ARFGEF3: variants seen among roughly 807,000 people sequenced by gnomAD.
The protein encoded by ARFGEF3 is brefeldin A-inhibited guanine nucleotide-exchange protein 3.
A neutral mutation model predicts 221.7 loss-of-function variants in ARFGEF3; 96 were observed. The observed-to-expected ratio is 0.43, with a 90% CI of 0.37 to 0.51. ARFGEF3 has a LOEUF of 0.51. ARFGEF3 is among the 20% of genes least tolerant of loss of function. The probability of loss-of-function intolerance (pLI) is 0.00; values close to 1 mark genes in which losing one functional copy is unlikely to be tolerated. For synonymous variants in ARFGEF3, 1,145 were observed against 1,126.8 expected (o/e 1.02, Z -0.32); for missense variants, 2,410 against 2,789.9 (o/e 0.86, Z 3.07).
rs770014546 is a variant in ARFGEF3, at chr6:138,316,674, A to G, written c.4346-577A>G. 6.3e-4 allele frequency among the ~76,000 whole-genome samples: 96 copies of G among 152,192 alleles called. 1 individual carries two copies. The highest frequency in any genetic ancestry group is 2.2e-3 in the African/African-American group (92 of 41,440). On this transcript the variant is annotated intron_variant, in intron 26 of 33. Coordinates refer to ENST00000251691, the MANE Select transcript of ARFGEF3 (RefSeq NM_020340.5). ...AAACATGACACCACTATCACACCCA[A>G]AATCAATCATAATTTATAGTACATT... is the stretch of plus-strand genomic sequence containing the variant.
chr6:138,267,252 C>T (rs1307345280), intron 12 of ARFGEF3, among the ~76,000 whole-genome samples: 2 of 152,010 alleles, frequency 1.3e-5, no homozygotes, highest in African/African-American at 4.8e-5. Context: ...GGCAAAACCC[C>T]GCCTCTACTA....
chr6:138,315,765 G>A (rs1779913653), intron 26 of ARFGEF3, among the ~76,000 whole-genome samples: 1 of 151,774 alleles, frequency 6.6e-6, no homozygotes, highest in Admixed American at 6.6e-5. Context: ...GCAGAGAATC[G>A]CTTGAACCCG....
chr6:138,162,260 G>C lies in ARFGEF3; in HGVS notation c.85+89G>C, dbSNP rs1776630700. 10 of 896,300 alleles carry C rather than the reference G, an allele frequency of 1.1e-5. No individual in the cohort carries two copies. In the East Asian group the frequency reaches 3.1e-4, roughly 28 times the overall value. 55.5% of individuals were successfully genotyped at this position (896,300 alleles called of 1,614,324 possible). A position where few individuals can be genotyped will look rare whatever the true frequency, so the allele number is the denominator to read the frequency against. ...TCCGCGCGTGGGGCTTTCGCGGAGCGTCGGTCATGGGTGCCGTTCTGGCGA... is the reference window on the plus strand; with the variant it reads ...TCCGCGCGTGGGGCTTTCGCGGAGCCTCGGTCATGGGTGCCGTTCTGGCGA... On this transcript the variant is annotated intron_variant, in intron 1 of 33. Coordinates refer to ENST00000251691, the MANE Select transcript of ARFGEF3 (RefSeq NM_020340.5). This position sits in a 1 kb window ranked among gnomAD's most constrained non-coding sequence, Gnocchi z 4.7.
At chr6:138,240,270 T>C (rs1402199986) in intron 6 of ARFGEF3, among the ~76,000 whole-genome samples, 1 of 152,192 alleles carries the variant, frequency 6.6e-6, no homozygotes. Context: ...AGAAATCTTA[T>C]AATATACACT....
intron 9 of ARFGEF3, 60 bp downstream of exon 9, chr6:138,254,044 T>G: frequency 8.8e-7 from 1 of 1,140,664 alleles, no homozygotes; most frequent in Non-Finnish European, 1.2e-6. Context: ...CTGCTGACTG[T>G]GTCTCTGGGT....
intron 10 of ARFGEF3, among the ~76,000 whole-genome samples, chr6:138,260,786 A>G (rs1372090381): frequency 5.9e-5 from 9 of 152,172 alleles, no homozygotes; most frequent in Non-Finnish European, 1.3e-4. Context: ...AAATTTCAAA[A>G]CAGGTACAAA....
Position 138,218,421 on chromosome 6 carries a change from G to A in ARFGEF3, c.351+8380G>A, listed in dbSNP as rs573153047. The A allele has an allele frequency of 5.4e-4, 810 of 1,507,496 alleles. 8 individuals carry two copies. The South Asian group carries it at 9.8e-3, about 18-fold the overall frequency. The allele number at this position is 1,507,496 out of a possible 1,614,324, so 93.4% of individuals were successfully genotyped here. On this transcript the variant is annotated intron_variant, in intron 4 of 33. Coordinates refer to ENST00000251691, the MANE Select transcript of ARFGEF3 (RefSeq NM_020340.5). ...ATTTACTACTGTAAATTGAATTGTA[G>A]CTCTGTAGCATAGAAGAATAATTTT...
At chr6:138,184,367 TACAACAAATGAATTAACATTC>T (rs1777141010) in intron 2 of ARFGEF3, among the ~76,000 whole-genome samples, 1 of 152,182 alleles carries the variant, frequency 6.6e-6, no homozygotes, top group African/African-American at 2.4e-5. Flanking sequence ...TTGCAGAATG[TACAACAAATGAATTAACATTC>T]ACAACAAGTG....
rs1778832912 is a variant in ARFGEF3, at chr6:138,263,606, G to C, written c.2123G>C (p.Cys708Ser). The C allele has an allele frequency of 1.1e-5, 18 of 1,594,686 alleles. No individual in the cohort carries two copies. The highest frequency in any genetic ancestry group is 1.5e-5 in the Non-Finnish European group (18 of 1,170,972). Reference protein sequence around the residue: ...TALQNFASTFCSGMMHSPGFD... With the variant: ...TALQNFASTFSSGMMHSPGFD... ...CTGCAGAACTTTGCCTCTACTTTCT[G>C]CTCAGGTTTGTAAACAATTCTCTGC... is the stretch of plus-strand genomic sequence containing the variant. The change falls in exon 12 of 34, where the codon TGC (cysteine) becomes TCC (serine). Residue 708 changes from cysteine to serine, a missense_variant. By Grantham distance (112) the Cys-to-Ser change is moderately radical. Around this residue, in one of 5 missense-constraint regions of ARFGEF3, gnomAD observed 594 missense variants for 734.3 expected, o/e 0.81. Transcript: ENST00000251691.
intron 12 of ARFGEF3, among the ~76,000 whole-genome samples, chr6:138,274,389 G>A (rs960996296): frequency 2.6e-5 from 4 of 152,184 alleles, no homozygotes; most frequent in African/African-American, 7.2e-5. Context: ...AGCCCCACTA[G>A]CACCTTGAGA....
chr6:138,298,010 C>T (rs1326118388), intron 21 of ARFGEF3, among the ~76,000 whole-genome samples: 1 of 152,142 alleles, frequency 6.6e-6, no homozygotes, highest in Non-Finnish European at 1.5e-5. Flanking sequence ...CTTAGGGTTC[C>T]AAAGAGCAAC....
chr6:138,201,762 C>T (rs1777542024), intron 2 of ARFGEF3, among the ~76,000 whole-genome samples: 1 of 152,182 alleles, frequency 6.6e-6, no homozygotes, highest in Admixed American at 6.5e-5. Context: ...TCTCACAAAT[C>T]ACCGCTAAAG....
In ARFGEF3 at chr6:138,263,031, C is replaced by T. The variant is rs774360263; in HGVS notation, c.1548C>T (p.Leu516=). The T allele has an allele frequency of 5.0e-5, 81 of 1,608,784 alleles. No individual in the cohort carries two copies. The highest frequency in any genetic ancestry group is 4.2e-4 in the Admixed American group (25 of 59,044). Residue 516 remains leucine, a synonymous_variant, in exon 12 of 34, where the codon CTC becomes CTT. Transcript: ENST00000251691. ...SVTTDTGQTT[L]EGELGQTTPE... ...CCACAGACACAGGCCAGACCACTCT[C>T]GAGGGAGAGTTGGGTCAGACTACAC...
chr6:138,201,648 A>G (rs566084451), intron 2 of ARFGEF3, among the ~76,000 whole-genome samples: 4 of 152,116 alleles, frequency 2.6e-5, no homozygotes, highest in Admixed American at 6.5e-5. Flanking sequence ...GAATGATACA[A>G]TGGGCTTTTT....
chr6:138,286,084 T>TG, intron 15 of ARFGEF3, 31 bp downstream of exon 15: 3 of 1,173,572 alleles, frequency 2.6e-6, no homozygotes, highest in Non-Finnish European at 3.8e-6. Flanking sequence ...TTTATGAACA[T>TG]CCATACACTG....
intron 11 of ARFGEF3, among the ~76,000 whole-genome samples, chr6:138,262,253 G>A (rs995340558): frequency 1.4e-5 from 2 of 146,868 alleles, no homozygotes; most frequent in Non-Finnish European, 3.0e-5. Flanking sequence ...GCAGTGGCAC[G>A]ATCTCGGCTC....
chr6:138,284,361 C>T (rs983139575), intron 14 of ARFGEF3, among the ~76,000 whole-genome samples: 1 of 152,086 alleles, frequency 6.6e-6, no homozygotes, highest in African/African-American at 2.4e-5. Context: ...TTTCTCATCC[C>T]CTCCCTGTGT....
intron 10 of ARFGEF3, among the ~76,000 whole-genome samples, chr6:138,260,208 C>T (rs970350598): frequency 2.0e-5 from 3 of 152,056 alleles, no homozygotes; most frequent in Non-Finnish European, 2.9e-5. Flanking sequence ...GTGGAAGCTT[C>T]GTTTATGTTC....
rs188761659 is a variant in ARFGEF3, at chr6:138,187,166, C to T, written c.137+16453C>T. On this transcript the variant is annotated intron_variant, in intron 2 of 33. Coordinates refer to ENST00000251691, the MANE Select transcript of ARFGEF3 (RefSeq NM_020340.5). ...CTGACCTCAGGTGATCCACCTGCCT[C>T]GGCCTCCCAAAATGCTGGGATTACA... Among the ~76,000 whole-genome samples the T allele has an allele frequency of 2.1e-3, 317 of 152,280 alleles. 1 individual carries two copies. Among genetic ancestry groups the T allele is most frequent in the African/African-American group, 7.2e-3 (298 of 41,568 alleles).
Sources: allele counts gnomAD v4.1 joint callset (sites outside exome capture counted in the v4.1 genomes callset), GRCh38; gene constraint gnomAD v4.1.1; regional missense constraint gnomAD v4.1.1; non-coding constraint Gnocchi (gnomAD v3.1); transcripts MANE v1.5; gene names NCBI Gene and HGNC (gene_info 2026-07-23, HGNC 2026-07-21).